Variants in TSEN15 observed in about 807,000 individuals in gnomAD.
TSEN15 encodes tRNA splicing endonuclease subunit 15.
A neutral mutation model predicts 20.5 loss-of-function variants in TSEN15; 10 were observed. The observed-to-expected ratio is 0.49, with a 90% confidence interval of 0.30 to 0.83. TSEN15 has a LOEUF of 0.83. Ranked by LOEUF, TSEN15 falls within the 40% of genes least tolerant of loss-of-function variation. The probability of loss-of-function intolerance (pLI) is 0.06; values close to 1 mark genes in which losing one functional copy is unlikely to be tolerated. For missense variants in TSEN15, 180 were observed against 218.6 expected (o/e 0.82, Z 1.11); for synonymous variants, 72 against 80.1 (o/e 0.90, Z 0.54).
chr1:184,084,990 C>CTT (rs1195364801), intron 3 of TSEN15, among the ~76,000 whole-genome samples: 1 of 146,268 alleles, frequency 6.8e-6, no homozygotes, highest in African/African-American at 2.5e-5. Context: ...GATGATAACA[C>CTT]TTTTTTTTTT....
At chr1:184,083,903 A>G (rs964806153) in intron 3 of TSEN15, among the ~76,000 whole-genome samples, 4 of 152,108 alleles carry the variant, frequency 2.6e-5, no homozygotes, top group African/African-American at 9.7e-5. Flanking sequence ...CCTCACGCTC[A>G]TCACCCTCTT....
intron 3 of TSEN15, among the ~76,000 whole-genome samples, chr1:184,061,983 C>T (rs1257281521): frequency 6.6e-6 from 1 of 152,106 alleles, no homozygotes; most frequent in Non-Finnish European, 1.5e-5. Flanking sequence ...AGTTAAAACA[C>T]TTTGTCATAT....
chr1:184,070,672 A>T (rs1361388840), intron 3 of TSEN15: 2 of 1,290,250 alleles, frequency 1.6e-6, no homozygotes, highest in African/African-American at 1.5e-5. Flanking sequence ...AAAGATTTGC[A>T]TTGAAGAAGC....
chr1:184,070,653 G>A, intron 3 of TSEN15: 1 of 1,289,868 alleles, frequency 7.8e-7, no homozygotes, highest in Non-Finnish European at 1.0e-6. Context: ...AAAATACTTA[G>A]CTACATTAAA....
At chr1:184,070,402 G>T (rs988704131) in intron 3 of TSEN15, among the ~76,000 whole-genome samples, 3 of 151,910 alleles carry the variant, frequency 2.0e-5, no homozygotes, top group African/African-American at 7.2e-5. Flanking sequence ...TTATCTTGTG[G>T]CATTGAAGTG....
At chr1:184,057,787 T>A (rs529521511) in intron 3 of TSEN15, among the ~76,000 whole-genome samples, 1 of 152,318 alleles carries the variant, frequency 6.6e-6, no homozygotes, top group South Asian at 2.1e-4. Flanking sequence ...TCTATTCATA[T>A]GCTTCTTTGA....
intron 3 of TSEN15, among the ~76,000 whole-genome samples, chr1:184,068,672 C>A (rs547081253): frequency 6.6e-6 from 1 of 152,274 alleles, no homozygotes; most frequent in Admixed American, 6.5e-5. Context: ...GGTCTGTTAT[C>A]CCTGAAACTT....
chr1:184,093,417 A>G (rs1459767098), intron 3 of TSEN15, among the ~76,000 whole-genome samples: 1 of 152,144 alleles, frequency 6.6e-6, no homozygotes, highest in Non-Finnish European at 1.5e-5. Context: ...TTTTGGGGTG[A>G]CCTTGGGTAA....
At chr1:184,079,899 C>CT (rs745347836) in intron 3 of TSEN15, among the ~76,000 whole-genome samples, 3 of 152,168 alleles carry the variant, frequency 2.0e-5, no homozygotes, top group Non-Finnish European at 2.9e-5. Context: ...TTACAACTCT[C>CT]TTTAGCCAAA....
rs1338171471 is a variant in TSEN15, at chr1:184,073,121, G to C, written c.*274G>C. ...TTTATGCCTAGGATGTATTCAGATG[G>C]GTGGGACCTGTGTGCTGCTTTTGTC... is the stretch of plus-strand genomic sequence containing the variant. On this transcript the variant is annotated 3_prime_UTR_variant, in exon 5 of 5. Transcript: ENST00000645668. 1 of 349,366 alleles carries C rather than the reference G, an allele frequency of 2.9e-6. No individual in the cohort carries two copies. The highest frequency in any genetic ancestry group is 5.1e-6 in the Non-Finnish European group (1 of 195,554). 21.6% of individuals were successfully genotyped at this position (349,366 alleles called of 1,614,324 possible).
At chr1:184,090,389 G>T (rs1651336275) in intron 3 of TSEN15, among the ~76,000 whole-genome samples, 2 of 152,186 alleles carry the variant, frequency 1.3e-5, no homozygotes, top group Admixed American at 1.3e-4. Flanking sequence ...TATGTTGATT[G>T]TGGTGGTGTT....
At chr1:184,093,689 T>A (rs1651397558) in intron 3 of TSEN15, 2 of 152,192 alleles carry the variant, frequency 1.3e-5, no homozygotes, top group African/African-American at 4.8e-5. Context: ...TTCTTGTGAA[T>A]CAGATCCAAA....
chr1:184,090,629 G>A (rs1312255130), intron 3 of TSEN15, among the ~76,000 whole-genome samples: 2 of 152,116 alleles, frequency 1.3e-5, no homozygotes, highest in African/African-American at 2.4e-5. Flanking sequence ...GAAAGCCAGG[G>A]CTCTCTTGCT....
At chr1:184,092,177 A>T (rs185023449) in intron 3 of TSEN15, among the ~76,000 whole-genome samples, 27 of 152,338 alleles carry the variant, frequency 1.8e-4, no homozygotes, top group Admixed American at 9.8e-4. Context: ...CTCTGCTAAG[A>T]ACTCGTTTGC....
At chr1:184,085,387 C>G (rs1651242157) in intron 3 of TSEN15, among the ~76,000 whole-genome samples, 2 of 152,184 alleles carry the variant, frequency 1.3e-5, no homozygotes, top group Non-Finnish European at 2.9e-5. Context: ...TTGTTCCCTT[C>G]TATATTCCCA....
downstream of TSEN15, among the ~76,000 whole-genome samples, chr1:184,076,538 GT>G (rs557512312): frequency 1.6e-3 from 243 of 152,230 alleles, no homozygotes; most frequent in Non-Finnish European, 2.8e-3. Flanking sequence ...AAAAGGTAGT[GT>G]AGTACATCTG....
chr1:184,075,910 A>ATT (rs200324927), downstream of TSEN15, among the ~76,000 whole-genome samples: 613 of 123,732 alleles, frequency 5.0e-3, 6 homozygotes, highest in African/African-American at 0.015. Flanking sequence ...ATATATATAT[A>ATT]TTTTTTTTTT....
intron 2 of TSEN15, 97 bp from the exon 3 acceptor site, chr1:184,054,631 G>A (rs1353651017): frequency 1.4e-6 from 2 of 1,397,506 alleles, no homozygotes; most frequent in Non-Finnish European, 9.7e-7. Context: ...GTAGTGTTAC[G>A]AGTGATATTT....
In TSEN15 at chr1:184,065,024, G is replaced by A. The variant is rs148050676; in HGVS notation, c.354-7133G>A. On this transcript the variant is annotated intron_variant, in intron 3 of 4. Transcript: ENST00000645668. ...ATGTAAGTGCCTACTTGACATCTCCGCTGTGATCTAAAAAAGGCATCTCAA... is the reference window on the plus strand; with the variant it reads ...ATGTAAGTGCCTACTTGACATCTCCACTGTGATCTAAAAAAGGCATCTCAA... 3.1e-3 allele frequency among the ~76,000 whole-genome samples: 473 copies of A among 152,222 alleles called. 2 individuals are homozygous for A. Among genetic ancestry groups the A allele is most frequent in the African/African-American group, 7.4e-3 (306 of 41,544 alleles).
Sources: gnomAD v4.1 joint callset for allele counts (sites outside exome capture counted in the v4.1 genomes callset) on GRCh38, gnomAD v4.1.1 for gene constraint, MANE v1.5 for transcripts, NCBI Gene and HGNC (gene_info 2026-07-23, HGNC 2026-07-21) for gene names.